NBPF15: variants seen among roughly 807,000 people sequenced by gnomAD.
The protein encoded by NBPF15 is NBPF family member NBPF15.
Under a neutral mutation model 62.2 loss-of-function variants are expected in NBPF15, and 74 were observed. The ratio of observed to expected loss-of-function variants is 1.19; its 90% CI spans 0.99 to 1.44. The LOEUF is 1.44. NBPF15 is among the 40% of genes most tolerant of loss of function. The probability of loss-of-function intolerance (pLI) is 0.00; values close to 1 mark genes in which losing one functional copy is unlikely to be tolerated. For synonymous variants in NBPF15, 244 were observed against 209.7 expected (o/e 1.16, Z -1.41); for missense variants, 790 against 550.0 (o/e 1.44, Z -4.36).
chr1:144,454,274 T>C (rs1374649592), intron 4 of NBPF15, among the ~76,000 whole-genome samples: 1 of 131,792 alleles, frequency 7.6e-6, no homozygotes, highest in East Asian at 2.1e-4. Context: ...GTGAAACTAT[T>C]TTGCATGATG....
intron 6 of NBPF15, among the ~76,000 whole-genome samples, chr1:144,447,566 C>T (rs1158531174): frequency 2.0e-5 from 3 of 151,580 alleles, no homozygotes; most frequent in East Asian, 3.9e-4. Context: ...CCCCAAGTGG[C>T]ATAAGACAGG....
intron 11 of NBPF15, 99 bp from the exon 12 acceptor site, chr1:144,435,415 T>A (rs1255234564): frequency 1.4e-6 from 2 of 1,460,128 alleles, no homozygotes; most frequent in Non-Finnish European, 1.9e-6. Context: ...ATTAAGAGAG[T>A]GGTCCCAGAA....
intron 3 of NBPF15, among the ~76,000 whole-genome samples, chr1:144,457,322 T>A (rs1553547247): frequency 6.6e-6 from 1 of 151,924 alleles, no homozygotes; most frequent in Non-Finnish European, 1.5e-5. Flanking sequence ...TACTGGTCTA[T>A]CTGGTCTATC....
At chr1:144,440,076 A>C in intron 7 of NBPF15, 38 bp from the exon 8 acceptor site, 2 of 1,571,400 alleles carry the variant, frequency 1.3e-6, no homozygotes, top group Non-Finnish European at 1.7e-6. Context: ...TGGGTTAAAA[A>C]CTGGTGAAAT....
In NBPF15 at chr1:144,427,870, A is replaced by T; in HGVS notation, c.1161T>A (p.Ser387Arg). ...GCTGTTGCTCCAATACGTAAAAGGC[A>T]CTTCTGTAGGGCTGGCATGAGTCAG... ...ELTDSCQPYR[S>R]AFYVLEQQRV... Residue 387 changes from serine to arginine, a missense_variant, in exon 16 of 22, where the codon AGT becomes AGA. Physicochemically the swap from Ser to Arg is moderately radical, Grantham distance 110. Transcript: ENST00000581897. 3.0e-6 allele frequency: 2 copies of T among 667,220 alleles called. No individual in the cohort carries two copies. Among genetic ancestry groups the T allele is most frequent in the Non-Finnish European group, 5.5e-6 (2 of 366,886 alleles). 41.3% of individuals were successfully genotyped at this position (667,220 alleles called of 1,614,324 possible).
intron 6 of NBPF15, among the ~76,000 whole-genome samples, chr1:144,440,772 A>G (rs1244141434): frequency 6.8e-6 from 1 of 147,568 alleles, no homozygotes; most frequent in Non-Finnish European, 1.5e-5. Flanking sequence ...CCTGCCTCAG[A>G]CTCCCAAGTA....
intron 9 of NBPF15, 124 bp downstream of exon 9, chr1:144,437,821 G>A (rs1679680259): frequency 2.5e-6 from 3 of 1,198,652 alleles, no homozygotes; most frequent in Admixed American, 3.5e-5. Flanking sequence ...TGTGTAGCGA[G>A]CCTGCCATGG....
intron 4 of NBPF15, among the ~76,000 whole-genome samples, chr1:144,454,211 GGGT>G (rs1692968920): frequency 7.0e-6 from 1 of 143,598 alleles, no homozygotes; most frequent in Admixed American, 6.7e-5. Flanking sequence ...TGGTTGTCAG[GGGT>G]GGAGGAGAGG....
chr1:144,436,401 G>T (rs1452301737), intron 10 of NBPF15, among the ~76,000 whole-genome samples: 2 of 151,634 alleles, frequency 1.3e-5, no homozygotes, highest in Admixed American at 6.6e-5. Flanking sequence ...ACACGGTGAG[G>T]GCCTTCATCT....
chr1:144,434,826 A>T (rs1484499537), intron 12 of NBPF15, among the ~76,000 whole-genome samples: 1 of 151,924 alleles, frequency 6.6e-6, no homozygotes, highest in African/African-American at 2.4e-5. Context: ...ATGACAAGAG[A>T]TACTGAATCG....
intron 20 of NBPF15, 84 bp from the exon 21 acceptor site, chr1:144,424,059 G>A: frequency 1.3e-6 from 1 of 758,222 alleles, no homozygotes; most frequent in Non-Finnish European, 2.4e-6. Context: ...CTCACACAGG[G>A]ACCTCAGGCT....
At chr1:144,455,715 C>A (rs587655156) in intron 4 of NBPF15, among the ~76,000 whole-genome samples, 1 of 152,098 alleles carries the variant, frequency 6.6e-6, no homozygotes, top group African/African-American at 2.4e-5. Context: ...CCCCCAGGAC[C>A]TGGTGGACGG....
intron 8 of NBPF15, among the ~76,000 whole-genome samples, chr1:144,438,843 C>T (rs1285633873): frequency 6.6e-6 from 1 of 151,906 alleles, no homozygotes; most frequent in Non-Finnish European, 1.5e-5. Context: ...ACAGTCCCTG[C>T]TCTGTACACT....
At chr1:144,439,520 T>C (rs587611311) in intron 8 of NBPF15, among the ~76,000 whole-genome samples, 8 of 152,152 alleles carry the variant, frequency 5.3e-5, no homozygotes, top group African/African-American at 1.7e-4. Flanking sequence ...TCTTATATGG[T>C]ACAGAGAGGA....
intron 4 of NBPF15, among the ~76,000 whole-genome samples, chr1:144,456,006 C>G (rs1235763771): frequency 2.0e-5 from 3 of 152,006 alleles, no homozygotes; most frequent in Non-Finnish European, 4.4e-5. Context: ...AGTGGCCTCT[C>G]TTTTAACACA....
chr1:144,442,350 A>T (rs1382358522), intron 6 of NBPF15, among the ~76,000 whole-genome samples: 1 of 137,158 alleles, frequency 7.3e-6, no homozygotes, highest in Non-Finnish European at 1.6e-5. Flanking sequence ...ATGTATATAT[A>T]TATACACATA....
chr1:144,448,065 C>G (rs1285458851), intron 6 of NBPF15, among the ~76,000 whole-genome samples: 1 of 152,050 alleles, frequency 6.6e-6, no homozygotes, highest in Non-Finnish European at 1.5e-5. Context: ...TTCAATAAAC[C>G]TGCCTGAATT....
In NBPF15 at chr1:144,423,194, C is replaced by G. The variant is rs1425046614; in HGVS notation, c.1832G>C (p.Cys611Ser). 2.5e-6 allele frequency: 4 copies of G among 1,611,432 alleles called. No individual in the cohort carries two copies. In the African/African-American group the frequency reaches 5.4e-5, roughly 22 times the overall value. The change falls in exon 22 of 22, where the codon TGT (cysteine) becomes TCT (serine). Residue 611 changes from cysteine to serine, a missense_variant. Transcript: ENST00000581897. ...PEVLQDSLDR[C>S]YSTPSMYFEQ... ...AAAGTACATTGACGGAGTCGAATAACATCTATCCAGTGAGTCCTGTAAGAC... is the reference window on the plus strand; with the variant it reads ...AAAGTACATTGACGGAGTCGAATAAGATCTATCCAGTGAGTCCTGTAAGAC...
chr1:144,425,147 C>G (rs1347250010), intron 19 of NBPF15, among the ~76,000 whole-genome samples: 5 of 143,702 alleles, frequency 3.5e-5, no homozygotes, highest in African/African-American at 1.1e-4. Flanking sequence ...AGTGAATTGT[C>G]CAGGTGACAC....
Sources: allele counts gnomAD v4.1 joint callset (sites outside exome capture counted in the v4.1 genomes callset), GRCh38; gene constraint gnomAD v4.1.1; transcripts MANE v1.5; gene names NCBI Gene and HGNC (gene_info 2026-07-23, HGNC 2026-07-21).